Variants in PCDH11Y observed in about 807,000 individuals in gnomAD.
The protein encoded by PCDH11Y is protocadherin-11 Y-linked.
For synonymous variants in PCDH11Y, 9 were observed against 83.6 expected, an observed-to-expected ratio of 0.11 and a Z score of 4.87; for missense variants, 12 against 224.8, an observed-to-expected ratio of 0.05 and a Z score of 6.05.
chrY:5,441,137 G>T, intron 2 of PCDH11Y, among the ~76,000 whole-genome samples: 2 of 32,351 alleles, frequency 6.2e-5, no homozygotes, highest in African/African-American at 1.2e-4. Flanking sequence ...ACTAGAGCAT[G>T]TATATCTGAT....
At chrY:5,529,713 T>A in intron 3 of PCDH11Y, among the ~76,000 whole-genome samples, 1 of 32,500 alleles carries the variant, frequency 3.1e-5, no homozygotes, top group Non-Finnish European at 7.6e-5. Context: ...AAATCTCGGA[T>A]TGAGAATGGA....
At chrY:5,644,536 TA>T (rs2053525238) in intron 4 of PCDH11Y, among the ~76,000 whole-genome samples, 5 of 33,446 alleles carry the variant, frequency 1.5e-4, no homozygotes, top group African/African-American at 4.7e-4. Context: ...AGTAAGACTT[TA>T]AAAAAAGTAG....
At chrY:5,293,700 C>T in intron 2 of PCDH11Y, among the ~76,000 whole-genome samples, 1 of 32,113 alleles carries the variant, frequency 3.1e-5, no homozygotes, top group African/African-American at 1.2e-4. Flanking sequence ...GGGTATATCA[C>T]TCTCTTCAGC....
chrY:5,143,260 T>TA (rs2052852995), intron 2 of PCDH11Y, among the ~76,000 whole-genome samples: 2 of 32,964 alleles, frequency 6.1e-5, no homozygotes, highest in African/African-American at 1.2e-4. Flanking sequence ...ATTTCAGTAA[T>TA]AAAAAAATTA....
intron 4 of PCDH11Y, among the ~76,000 whole-genome samples, chrY:5,603,813 AAAAG>A (rs1374299575): frequency 1.1e-4 from 3 of 26,288 alleles, no homozygotes; most frequent in South Asian, 1.8e-3. Context: ...TTCTAAGAGA[AAAAG>A]AAAGAAAGAA....
At chrY:5,228,899 G>A in intron 2 of PCDH11Y, among the ~76,000 whole-genome samples, 1 of 32,101 alleles carries the variant, frequency 3.1e-5, no homozygotes, top group Non-Finnish European at 7.6e-5. Context: ...TTATATAGTC[G>A]TTAGATGAAA....
chrY:5,534,021 A>G (rs2053397560), intron 3 of PCDH11Y, among the ~76,000 whole-genome samples: 1 of 31,311 alleles, frequency 3.2e-5, no homozygotes, highest in Non-Finnish European at 7.8e-5. Flanking sequence ...ATTTCTTCAC[A>G]TTTTTTTTTA....
At chrY:5,566,469 A>T in intron 3 of PCDH11Y, among the ~76,000 whole-genome samples, 1 of 32,576 alleles carries the variant, frequency 3.1e-5, no homozygotes. Flanking sequence ...TTCTTAGTGA[A>T]TGACTTATGT....
intron 2 of PCDH11Y, among the ~76,000 whole-genome samples, chrY:5,191,086 T>G: frequency 3.3e-5 from 1 of 30,404 alleles, no homozygotes; most frequent in South Asian, 7.6e-4. Context: ...GTGTTCTCAC[T>G]CATAAGTGGG....
intron 2 of PCDH11Y, among the ~76,000 whole-genome samples, chrY:5,435,926 T>C: frequency 6.1e-5 from 2 of 32,822 alleles, no homozygotes; most frequent in Admixed American, 5.6e-4. Flanking sequence ...TTTAAGTTTT[T>C]TTTCTGGGGT....
intron 2 of PCDH11Y, among the ~76,000 whole-genome samples, chrY:5,180,728 C>G: frequency 3.1e-5 from 1 of 32,781 alleles, no homozygotes; most frequent in Non-Finnish European, 7.5e-5. Flanking sequence ...TTATTAGAGA[C>G]TAGGATTGCA....
intron 3 of PCDH11Y, among the ~76,000 whole-genome samples, chrY:5,521,560 G>C: frequency 3.1e-5 from 1 of 32,050 alleles, no homozygotes; most frequent in Non-Finnish European, 7.6e-5. Flanking sequence ...AAGTGAGACA[G>C]GGCATCTTAG....
chrY:5,318,915 C>T, intron 2 of PCDH11Y, among the ~76,000 whole-genome samples: 1 of 32,242 alleles, frequency 3.1e-5, no homozygotes, highest in Non-Finnish European at 7.6e-5. Flanking sequence ...GGTTACTTAT[C>T]ATTGCAGAAT....
chrY:5,198,949 C>G, intron 2 of PCDH11Y, among the ~76,000 whole-genome samples: 1 of 33,158 alleles, frequency 3.0e-5, no homozygotes, highest in African/African-American at 1.2e-4. Context: ...TCAGGGTTTG[C>G]TCATTGAGAA....
intron 2 of PCDH11Y, among the ~76,000 whole-genome samples, chrY:5,350,858 A>G (rs2053157536): frequency 3.0e-5 from 1 of 33,394 alleles, no homozygotes; most frequent in Non-Finnish European, 7.4e-5. Context: ...TTAATACATC[A>G]TGACAGTCAC....
At chrY:5,348,061 AT>A (rs2053154165) in intron 2 of PCDH11Y, among the ~76,000 whole-genome samples, 2 of 33,266 alleles carry the variant, frequency 6.0e-5, no homozygotes, top group East Asian at 1.6e-3. Flanking sequence ...AGTCACAGGC[AT>A]CTTAAATTTT....
intron 3 of PCDH11Y, among the ~76,000 whole-genome samples, chrY:5,525,023 CT>C (rs2053385207): frequency 4.2e-5 from 1 of 23,754 alleles, no homozygotes; most frequent in Non-Finnish European, 9.4e-5. Context: ...TAGTGTTGCA[CT>C]TTTTTTAAAG....
intron 2 of PCDH11Y, among the ~76,000 whole-genome samples, chrY:5,210,111 C>T: frequency 5.9e-5 from 2 of 33,881 alleles, no homozygotes; most frequent in Non-Finnish European, 1.5e-4. Flanking sequence ...GTTTAATTTA[C>T]GACATTCAGG....
intron 2 of PCDH11Y, among the ~76,000 whole-genome samples, chrY:5,197,631 A>G (rs2052920794): frequency 1.6e-3 from 48 of 30,831 alleles, no homozygotes; most frequent in Non-Finnish European, 2.4e-3. Context: ...CAAATACACC[A>G]TGGAATACTA....
Sources: gnomAD v4.1 joint callset for allele counts (sites outside exome capture counted in the v4.1 genomes callset) on GRCh38, gnomAD v4.1.1 for gene constraint, MANE v1.5 for transcripts, NCBI Gene and HGNC (gene_info 2026-07-23, HGNC 2026-07-21) for gene names.